Variants in AK7 observed in about 807,000 individuals in gnomAD.
AK7 encodes ATP-AMP transphosphorylase 7.
In AK7, 78 loss-of-function variants were observed where a neutral mutation model predicts 96.6. The observed-to-expected ratio is 0.81, with a 90% confidence interval of 0.67 to 0.97. The LOEUF (loss-of-function observed/expected upper bound fraction) is 0.97, where lower values mean the gene tolerates loss of function less well. Among genes scored for constraint, AK7 ranks in the 50% least tolerant of loss-of-function variants. AK7 has a pLI of 0.00. For missense variants in AK7, 855 were observed against 887.9 expected (o/e 0.96, Z 0.47); for synonymous variants, 302 against 317.2 (o/e 0.95, Z 0.51).
chr14:96,423,256 G>A (rs1219536431), intron 5 of AK7, among the ~76,000 whole-genome samples: 3 of 152,204 alleles, frequency 2.0e-5, no homozygotes, highest in South Asian at 2.1e-4. Context: ...TAGCGATGGT[G>A]CCATAAAAAC....
Position 96,482,863 on chromosome 14 carries a change from T to G in AK7, c.1754-136T>G, listed in dbSNP as rs1169436374. 3 of 920,524 alleles carry G rather than the reference T, an allele frequency of 3.3e-6. No individual in the cohort carries two copies. In the African/African-American group the frequency reaches 5.0e-5, roughly 15 times the overall value. 57.0% of individuals were successfully genotyped at this position (920,524 alleles called of 1,614,324 possible). On this transcript the variant is annotated intron_variant, in intron 15 of 17. Transcript: ENST00000267584. ...TGAGAGAAGAAATTCTGAACTATGC[T>G]GGCAATTAGAAAAGAAAACCCTATG... is the stretch of plus-strand genomic sequence containing the variant.
At chr14:96,437,151 G>A (rs1892683643) in intron 5 of AK7, among the ~76,000 whole-genome samples, 1 of 152,034 alleles carries the variant, frequency 6.6e-6, no homozygotes, top group African/African-American at 2.4e-5. Flanking sequence ...TGATAGCACA[G>A]CAGGGAGACT....
chr14:96,435,723 C>T (rs1268453053), intron 5 of AK7, among the ~76,000 whole-genome samples: 2 of 152,180 alleles, frequency 1.3e-5, no homozygotes, highest in African/African-American at 2.4e-5. Context: ...CCGCTGATAC[C>T]GGAGAGCCCC....
chr14:96,411,753 G>T (rs1056610468), intron 4 of AK7, among the ~76,000 whole-genome samples: 8 of 152,338 alleles, frequency 5.3e-5, no homozygotes, highest in Admixed American at 3.3e-4. Context: ...TCCCCAACAA[G>T]TCTAATTGAA....
chr14:96,408,898 T>G lies in AK7; in HGVS notation c.455T>G (p.Leu152Arg). 1 of 1,614,138 alleles carries G rather than the reference T, an allele frequency of 6.2e-7. No homozygotes were observed. Among genetic ancestry groups the G allele is most frequent in the East Asian group, 2.2e-5 (1 of 44,900 alleles). The change falls in exon 4 of 18, where the codon CTG becomes CGG. Residue 152 changes from leucine (L) to arginine (R), a missense_variant. Physicochemically the swap from Leu to Arg is moderately radical, Grantham distance 102. Transcript: ENST00000267584. The stretch of plus-strand genomic sequence containing the variant: ...GAAAAGCGAAAGCTATTTATTTTAC[T>G]GTCGACGGTGATGACTTGGGCGCGC... The part of the protein sequence containing the change: ...HFEKRKLFIL[L>R]STVMTWARSK...
At chr14:96,414,149 A>G (rs939714514) in intron 4 of AK7, among the ~76,000 whole-genome samples, 1 of 152,134 alleles carries the variant, frequency 6.6e-6, no homozygotes, top group Non-Finnish European at 1.5e-5. Context: ...TCTTCTCCCA[A>G]CTCTGATTCA....
At chr14:96,434,556 C>A (rs887345018) in intron 5 of AK7, among the ~76,000 whole-genome samples, 1 of 152,162 alleles carries the variant, frequency 6.6e-6, no homozygotes, top group Non-Finnish European at 1.5e-5. Flanking sequence ...CAGCACAGCA[C>A]TGGGTCTTGC....
Position 96,420,888 on chromosome 14 carries a change from G to A in AK7, c.565G>A (p.Asp189Asn). Residue 189 changes from aspartate (D) to asparagine (N), a missense_variant, in exon 5 of 18, where the codon GAC (aspartate) becomes AAC (asparagine). Coordinates refer to ENST00000267584, the MANE Select transcript of AK7 (RefSeq NM_152327.5). The stretch of plus-strand genomic sequence containing the variant: ...AAGAAAGTCTCATCCTAATTTTCTG[G>A]ACCACATAAATGCTGAAAAAATGGT... ...RRRKSHPNFL[D>N]HINAEKMVLK... is the part of the protein sequence containing the mutation. 1 of 1,613,442 alleles carries A rather than the reference G, an allele frequency of 6.2e-7. No individual in the cohort carries two copies. The highest frequency in any genetic ancestry group is 2.2e-5 in the East Asian group (1 of 44,868).
chr14:96,472,911 A>G (rs1351493283), intron 14 of AK7, among the ~76,000 whole-genome samples, 156 bp downstream of exon 14: 1 of 152,024 alleles, frequency 6.6e-6, no homozygotes, highest in Non-Finnish European at 1.5e-5. Context: ...GCGAAACCCC[A>G]TCTCTACTAG....
chr14:96,469,399 C>G (rs939960950), intron 12 of AK7, among the ~76,000 whole-genome samples: 1 of 152,038 alleles, frequency 6.6e-6, no homozygotes, highest in African/African-American at 2.4e-5. Context: ...GTGGTGCACA[C>G]CTGTAATCCC....
intron 6 of AK7, among the ~76,000 whole-genome samples, chr14:96,438,236 T>C (rs1447201825): frequency 1.3e-5 from 2 of 152,202 alleles, no homozygotes; most frequent in East Asian, 3.8e-4. Flanking sequence ...TTGCGAAGCT[T>C]ACATTCTAGG....
chr14:96,474,446 T>TAA (rs1170896129), intron 14 of AK7, among the ~76,000 whole-genome samples: 75 of 101,452 alleles, frequency 7.4e-4, no homozygotes, highest in African/African-American at 1.3e-3. Context: ...TCATATCTAC[T>TAA]AAAAAAAAAA....
intron 10 of AK7, among the ~76,000 whole-genome samples, chr14:96,455,165 C>T (rs1028442869): frequency 6.6e-6 from 1 of 151,888 alleles, no homozygotes. Context: ...GAAACTCTGT[C>T]TCAAAATAGT....
chr14:96,414,465 G>A (rs1436288534), intron 4 of AK7, among the ~76,000 whole-genome samples: 1 of 152,242 alleles, frequency 6.6e-6, no homozygotes, highest in African/African-American at 2.4e-5. Context: ...TCCCTGATTA[G>A]GAGAGACTTC....
chr14:96,485,794 CTTTT>C (rs758883552), intron 16 of AK7, among the ~76,000 whole-genome samples: 1 of 129,000 alleles, frequency 7.8e-6, no homozygotes, highest in African/African-American at 3.1e-5. Flanking sequence ...TCAGCTAGGA[CTTTT>C]TTTTTTTTTT....
At chr14:96,394,254 G>C (rs1308205331) in intron 1 of AK7, among the ~76,000 whole-genome samples, 1 of 152,220 alleles carries the variant, frequency 6.6e-6, no homozygotes, top group Non-Finnish European at 1.5e-5. Flanking sequence ...GTGCTAGGGG[G>C]CAGTGCACCA....
At chr14:96,395,887 C>A (rs1595363580) in intron 1 of AK7, among the ~76,000 whole-genome samples, 1 of 126,364 alleles carries the variant, frequency 7.9e-6, no homozygotes, top group Non-Finnish European at 1.6e-5. Context: ...TCTTGGCTCA[C>A]TGCAACTTCC....
In AK7 at chr14:96,415,890, G is replaced by A. The variant is rs183461364; in HGVS notation, c.499-4932G>A. ...TATATTGGGGTTGGTTTTTCCCTTA[G>A]AACCTGTTTGTTTTTAAAGTCTAGC... On this transcript the variant is annotated intron_variant, in intron 4 of 17. Coordinates refer to ENST00000267584, the MANE Select transcript of AK7 (RefSeq NM_152327.5). Among the ~76,000 whole-genome samples, 8 of 151,698 alleles carry A rather than the reference G, an allele frequency of 5.3e-5. No individual in the cohort carries two copies. The East Asian group carries it at 1.5e-3, about 29-fold the overall frequency.
intron 10 of AK7, among the ~76,000 whole-genome samples, chr14:96,452,838 G>T (rs1893685657): frequency 6.6e-6 from 1 of 152,102 alleles, no homozygotes; most frequent in Admixed American, 6.6e-5. Context: ...GTAGGACGCA[G>T]ACTTAACTAG....
Sources: allele counts gnomAD v4.1 joint callset (sites outside exome capture counted in the v4.1 genomes callset), GRCh38; gene constraint gnomAD v4.1.1; transcripts MANE v1.5; gene names NCBI Gene and HGNC (gene_info 2026-07-23, HGNC 2026-07-21).